Variants in CSMD1 observed in about 807,000 individuals in gnomAD.
CSMD1 encodes CUB and Sushi multiple domains 1.
CSMD1 carries 213 observed loss-of-function variants against 417.5 expected under a neutral mutation model. The observed-to-expected ratio is 0.51, with a 90% CI of 0.46 to 0.57. The LOEUF is 0.57. Ranked by LOEUF, CSMD1 falls within the 20% of genes least tolerant of loss-of-function variation. CSMD1 has a pLI of 0.00. For synonymous variants in CSMD1, 2,862 were observed against 1,736.8 expected (o/e 1.65, Z -16.11); for missense variants, 6,923 against 4,529.7 (o/e 1.53, Z -15.17).
In CSMD1 at chr8:3,986,938, A is replaced by G. The variant is rs78993849; in HGVS notation, c.818+10965T>C. 4.9e-3 allele frequency among the ~76,000 whole-genome samples: 742 copies of G among 152,108 alleles called. 9 individuals are homozygous for G. The highest frequency in any genetic ancestry group is 0.017 in the African/African-American group (725 of 41,516). On this transcript the variant is annotated intron_variant, in intron 5 of 69. Transcript: ENST00000635120. ...CCCAGCTAATTTTTGTATTTTTAGT[A>G]TACAGGGCGTTTCACCATGCAGTTC...
At chr8:3,056,409 T>C (rs1463374494) in intron 49 of CSMD1, among the ~76,000 whole-genome samples, 6 of 152,194 alleles carry the variant, frequency 3.9e-5, no homozygotes, top group Non-Finnish European at 8.8e-5. Flanking sequence ...TCGCTGTCAC[T>C]CAGGCTGCAG....
intron 3 of CSMD1, among the ~76,000 whole-genome samples, chr8:4,237,577 C>G (rs908971708): frequency 6.6e-6 from 1 of 151,848 alleles, no homozygotes; most frequent in Admixed American, 6.6e-5. Flanking sequence ...CTCTGTCAAC[C>G]AAGCTGGAGC....
At chr8:4,297,655 G>C (rs1797758996) in intron 3 of CSMD1, among the ~76,000 whole-genome samples, 1 of 152,092 alleles carries the variant, frequency 6.6e-6, no homozygotes, top group Admixed American at 6.6e-5. Flanking sequence ...ACTAGGGTTT[G>C]GATTTTGACT....
At chr8:4,567,770 G>C (rs975660617) in intron 2 of CSMD1, among the ~76,000 whole-genome samples, 9 of 152,056 alleles carry the variant, frequency 5.9e-5, no homozygotes, top group Admixed American at 2.0e-4. Flanking sequence ...ACTATTGCTG[G>C]TCATAAAATT....
At chr8:4,673,392 C>A in intron 1 of CSMD1, among the ~76,000 whole-genome samples, 1 of 152,164 alleles carries the variant, frequency 6.6e-6, no homozygotes, top group Non-Finnish European at 1.5e-5. Flanking sequence ...TGACCTGCTG[C>A]CATCTGTAAG....
chr8:4,058,960 A>G, intron 3 of CSMD1, among the ~76,000 whole-genome samples: 1 of 151,866 alleles, frequency 6.6e-6, no homozygotes, highest in Non-Finnish European at 1.5e-5. Flanking sequence ...CATCTACAGA[A>G]CTCTCCACCC....
At chr8:4,385,923 G>C (rs1437323532) in intron 3 of CSMD1, among the ~76,000 whole-genome samples, 1 of 152,120 alleles carries the variant, frequency 6.6e-6, no homozygotes, top group Admixed American at 6.5e-5. Flanking sequence ...GAATTCCAGA[G>C]TTTCTCACCC....
At chr8:4,908,038 A>C (rs1805414586) in intron 1 of CSMD1, among the ~76,000 whole-genome samples, 1 of 152,120 alleles carries the variant, frequency 6.6e-6, no homozygotes, top group African/African-American at 2.4e-5. Context: ...TCTTCTGTGG[A>C]ATGTACAATA....
chr8:2,968,501 G>C (rs915692350), intron 57 of CSMD1, among the ~76,000 whole-genome samples: 2 of 152,190 alleles, frequency 1.3e-5, no homozygotes, highest in Non-Finnish European at 2.9e-5. Context: ...TAATGAATGA[G>C]TACCAGCATA....
At chr8:4,525,637 C>T (rs906004339) in intron 2 of CSMD1, among the ~76,000 whole-genome samples, 3 of 152,000 alleles carry the variant, frequency 2.0e-5, no homozygotes, top group African/African-American at 4.8e-5. Flanking sequence ...CGGTTTTTGT[C>T]ATTACTTTTA....
At chr8:4,394,172 A>T (rs1296228964) in intron 3 of CSMD1, among the ~76,000 whole-genome samples, 1 of 152,188 alleles carries the variant, frequency 6.6e-6, no homozygotes, top group African/African-American at 2.4e-5. Context: ...ATCATCCAAC[A>T]TACATCTGTG....
chr8:4,048,766 A>T (rs1473917863), intron 3 of CSMD1, among the ~76,000 whole-genome samples: 1 of 152,204 alleles, frequency 6.6e-6, no homozygotes, highest in Non-Finnish European at 1.5e-5. Context: ...AAAGCTGTGT[A>T]TATCTGTGTT....
chr8:4,116,329 T>C (rs553570795), intron 3 of CSMD1, among the ~76,000 whole-genome samples: 121 of 152,252 alleles, frequency 7.9e-4, no homozygotes, highest in Non-Finnish European at 1.2e-3. Context: ...AACCACTCTG[T>C]ATGATACTAT....
At chr8:3,262,228 T>TAC (rs1417438391) in intron 26 of CSMD1, among the ~76,000 whole-genome samples, 21 of 78,164 alleles carry the variant, frequency 2.7e-4, no homozygotes, top group Middle Eastern at 7.9e-3. Context: ...TATATATATA[T>TAC]ATACACACAC....
At chr8:4,069,492 G>A (rs1460434932) in intron 3 of CSMD1, among the ~76,000 whole-genome samples, 2 of 152,140 alleles carry the variant, frequency 1.3e-5, no homozygotes, top group Non-Finnish European at 2.9e-5. Flanking sequence ...AAGTAAATGT[G>A]CAGACAGCCT....
At chr8:4,004,891 C>T (rs75777082) in intron 4 of CSMD1, among the ~76,000 whole-genome samples, 16,328 of 151,812 alleles carry the variant, frequency 0.11, 1,006 homozygotes, top group East Asian at 0.19. Flanking sequence ...ACTACAGGCG[C>T]CCGCCACCAT....
At chr8:3,188,527 G>C (rs1031158879) in intron 35 of CSMD1, among the ~76,000 whole-genome samples, 1 of 151,614 alleles carries the variant, frequency 6.6e-6, no homozygotes, top group South Asian at 2.1e-4. Flanking sequence ...GGCTAGTCTT[G>C]AACTCCTGAC....
chr8:4,700,196 A>G (rs1421170728), intron 1 of CSMD1, among the ~76,000 whole-genome samples: 1 of 152,154 alleles, frequency 6.6e-6, no homozygotes, highest in Non-Finnish European at 1.5e-5. Flanking sequence ...AAATCTTGAA[A>G]TCTTAGAAAA....
At chr8:4,117,948 T>TCGA (rs1802253809) in intron 3 of CSMD1, among the ~76,000 whole-genome samples, 1 of 22,374 alleles carries the variant, frequency 4.5e-5, no homozygotes, top group Admixed American at 4.9e-4. Flanking sequence ...GGCAAGTCAA[T>TCGA]AGGAAAAAAA....
Sources: gnomAD v4.1 joint callset for allele counts (sites outside exome capture counted in the v4.1 genomes callset) on GRCh38, gnomAD v4.1.1 for gene constraint, MANE v1.5 for transcripts, NCBI Gene and HGNC (gene_info 2026-07-23, HGNC 2026-07-21) for gene names.